Variants in STK32B observed in about 807,000 individuals in gnomAD.
STK32B encodes serine/threonine-protein kinase 32B.
Under a neutral mutation model 52.6 loss-of-function variants are expected in STK32B, and 43 were observed. The ratio of observed to expected loss-of-function variants is 0.82; its 90% CI spans 0.64 to 1.05. The LOEUF is 1.05. Among genes scored for constraint, STK32B ranks in the 50% least tolerant of loss-of-function variants. The probability of loss-of-function intolerance (pLI) is 0.00; values close to 1 mark genes in which losing one functional copy is unlikely to be tolerated. For missense variants in STK32B, 621 were observed against 534.6 expected (o/e 1.16, Z -1.59); for synonymous variants, 238 against 204.3 (o/e 1.17, Z -1.41).
At chr4:5,435,144 A>G (rs954215566) in intron 6 of STK32B, among the ~76,000 whole-genome samples, 10 of 152,228 alleles carry the variant, frequency 6.6e-5, no homozygotes, top group African/African-American at 1.7e-4. Context: ...GGCATTTCCA[A>G]TGGCTGATAA....
chr4:5,075,307 A>G (rs111685920), intron 1 of STK32B, among the ~76,000 whole-genome samples: 1,802 of 152,266 alleles, frequency 0.012, 24 homozygotes, highest in African/African-American at 0.042. Flanking sequence ...ACATTTCAAC[A>G]TTGTTGAATT....
chr4:5,121,555 A>G (rs561301745), intron 1 of STK32B, among the ~76,000 whole-genome samples: 3 of 152,336 alleles, frequency 2.0e-5, no homozygotes, highest in South Asian at 4.1e-4. Flanking sequence ...TATCAGCAGT[A>G]ATCACAATTA....
intron 4 of STK32B, among the ~76,000 whole-genome samples, chr4:5,343,368 G>C (rs1733227823): frequency 6.6e-6 from 1 of 152,034 alleles, no homozygotes; most frequent in Admixed American, 6.6e-5. Flanking sequence ...ATTTGGGTTG[G>C]TTCACAAGTC....
rs62290462 is a variant in STK32B, at chr4:5,099,454, G to A, written c.53-40451G>A. ...CCTCTGTGTGTGTGTGTGTGTGCGC[G>A]CGCGCGTATGTGATGTGTTCACAAC... On this transcript the variant is annotated intron_variant, in intron 1 of 11. Coordinates refer to ENST00000282908, the MANE Select transcript of STK32B (RefSeq NM_018401.3). 6.1e-4 allele frequency among the ~76,000 whole-genome samples: 79 copies of A among 129,850 alleles called. 1 individual carries two copies. In the South Asian group the frequency reaches 0.018, roughly 29 times the overall value. The allele number at this position is 129,850 out of a possible 152,430, so 85.2% of individuals were successfully genotyped here. A position where few individuals can be genotyped will look rare whatever the true frequency, so the allele number is the denominator to read the frequency against.
intron 4 of STK32B, among the ~76,000 whole-genome samples, chr4:5,336,521 AAAG>A (rs140657633): frequency 0.014 from 2,074 of 152,298 alleles, 32 homozygotes; most frequent in East Asian, 0.074. Flanking sequence ...TCAGACGATA[AAAG>A]AAGAATTTTG....
At chr4:5,247,795 G>A (rs1231124774) in intron 3 of STK32B, among the ~76,000 whole-genome samples, 3 of 151,986 alleles carry the variant, frequency 2.0e-5, no homozygotes, top group Non-Finnish European at 4.4e-5. Flanking sequence ...ATTTTCTTTT[G>A]TGTCTTCTTT....
At position 5,398,317 on chromosome 4, in the gene STK32B, G is replaced by C. The variant is rs1220451975; in HGVS notation, c.472+73G>C. ...AGGCACTGGGAAATAGTGCGGGGGT[G>C]GGGGTTGGGTCTTGCTGAGTTGGAC... On this transcript the variant is annotated intron_variant, in intron 5 of 11. Coordinates refer to ENST00000282908, the MANE Select transcript of STK32B (RefSeq NM_018401.3). The surrounding 1 kb of genome is among the most constrained non-coding windows in gnomAD (Gnocchi z 4.9). 2.6e-6 allele frequency: 4 copies of C among 1,546,046 alleles called. No homozygotes were observed. Among genetic ancestry groups the C allele is most frequent in the Non-Finnish European group, 3.6e-6 (4 of 1,123,526 alleles).
At chr4:5,408,584 T>C (rs1332933711) in intron 5 of STK32B, among the ~76,000 whole-genome samples, 1 of 152,110 alleles carries the variant, frequency 6.6e-6, no homozygotes, top group Non-Finnish European at 1.5e-5. Context: ...AACAAACTAA[T>C]GCACCCTCCT....
intron 3 of STK32B, among the ~76,000 whole-genome samples, chr4:5,288,350 G>T (rs28446472): frequency 6.6e-6 from 1 of 152,054 alleles, no homozygotes; most frequent in Non-Finnish European, 1.5e-5. Context: ...AAACCATTTT[G>T]CAGTCCCATC....
intron 3 of STK32B, among the ~76,000 whole-genome samples, chr4:5,262,135 C>A (rs995302271): frequency 7.2e-5 from 11 of 152,158 alleles, no homozygotes; most frequent in Non-Finnish European, 5.9e-5. Context: ...TCTCTGTTGG[C>A]AGACACAAGT....
At chr4:5,218,138 G>A (rs1723292684) in intron 3 of STK32B, among the ~76,000 whole-genome samples, 1 of 152,146 alleles carries the variant, frequency 6.6e-6, no homozygotes, top group Admixed American at 6.5e-5. Context: ...AAGTTATGCA[G>A]AGACACTTCT....
At chr4:5,140,301 G>C in intron 2 of STK32B, 1 of 1,317,482 alleles carries the variant, frequency 7.6e-7, no homozygotes, top group East Asian at 4.7e-5. Context: ...GACGTTTGTT[G>C]TTTTGGTAAG....
chr4:5,445,428 A>G (rs547892529), intron 6 of STK32B, among the ~76,000 whole-genome samples: 2 of 152,292 alleles, frequency 1.3e-5, no homozygotes, highest in South Asian at 2.1e-4. Context: ...AAATTAATTT[A>G]CTAGAAATAA....
intron 3 of STK32B, among the ~76,000 whole-genome samples, chr4:5,301,248 T>C (rs937591576): frequency 5.9e-5 from 9 of 152,070 alleles, no homozygotes; most frequent in African/African-American, 2.2e-4. Context: ...TTTCTTATGA[T>C]GTCTTTGGTT....
In STK32B at chr4:5,349,416, C is replaced by A. The variant is rs78591023; in HGVS notation, c.434+18023C>A. Among the ~76,000 whole-genome samples, 1,345 of 152,250 alleles carry A rather than the reference C, an allele frequency of 8.8e-3. 50 individuals carry two copies. In the East Asian group the frequency reaches 0.11, roughly 13 times the overall value. ...AAGAAACCATACAGAGACTACACTG[C>A]TGCACCCACCCAGAACCAAAGCCAA... On this transcript the variant is annotated intron_variant, in intron 4 of 11. Coordinates refer to ENST00000282908, the MANE Select transcript of STK32B (RefSeq NM_018401.3).
chr4:5,291,888 G>A (rs6847251), intron 3 of STK32B, among the ~76,000 whole-genome samples: 48,915 of 151,986 alleles, frequency 0.32, 12,734 homozygotes, highest in African/African-American at 0.72. Flanking sequence ...CTGGGGATAC[G>A]TGTGCAGGTT....
intron 1 of STK32B, among the ~76,000 whole-genome samples, chr4:5,101,981 TC>T (rs1158171875): frequency 6.6e-6 from 1 of 152,196 alleles, no homozygotes; most frequent in Admixed American, 6.5e-5. Flanking sequence ...TTGTCCATTG[TC>T]CCCTCAGGTT....
At chr4:5,273,819 A>G (rs546147688) in intron 3 of STK32B, among the ~76,000 whole-genome samples, 1 of 128,544 alleles carries the variant, frequency 7.8e-6, no homozygotes, top group African/African-American at 3.0e-5. Context: ...AGGAAGGGGA[A>G]TATCACACTC....
In STK32B at chr4:5,280,952, C is replaced by T. The variant is rs1055178807; in HGVS notation, c.261-50268C>T. Among the ~76,000 whole-genome samples, 10 of 152,194 alleles carry T rather than the reference C, an allele frequency of 6.6e-5. No homozygotes were observed. In the South Asian group the frequency reaches 1.9e-3, roughly 28 times the overall value. Reference sequence around the variant, plus strand: ...CAAAACAAAAAAGACATACCTGAGACTGGGTAATTCATGGAAAAAAACAGG... The same window carrying T: ...CAAAACAAAAAAGACATACCTGAGATTGGGTAATTCATGGAAAAAAACAGG... On this transcript the variant is annotated intron_variant, in intron 3 of 11. Coordinates refer to ENST00000282908, the MANE Select transcript of STK32B (RefSeq NM_018401.3).
Sources: allele counts gnomAD v4.1 joint callset (sites outside exome capture counted in the v4.1 genomes callset), GRCh38; gene constraint gnomAD v4.1.1; non-coding constraint Gnocchi (gnomAD v3.1); transcripts MANE v1.5; gene names NCBI Gene and HGNC (gene_info 2026-07-23, HGNC 2026-07-21).